Variants in DPP4 observed in about 807,000 individuals in gnomAD.
The protein encoded by DPP4 is dipeptidyl peptidase 4.
DPP4 carries 93 observed loss-of-function variants against 122.4 expected under a neutral mutation model. The ratio of observed to expected loss-of-function variants is 0.76; its 90% confidence interval spans 0.64 to 0.90. The LOEUF (loss-of-function observed/expected upper bound fraction) is 0.90, where lower values mean the gene tolerates loss of function less well. DPP4 is among the 40% of genes least tolerant of loss of function. The probability of loss-of-function intolerance (pLI) is 0.00; values close to 1 mark genes in which losing one functional copy is unlikely to be tolerated. For synonymous variants in DPP4, 321 were observed against 302.9 expected, an observed-to-expected ratio of 1.06 and a Z score of -0.62; for missense variants, 914 against 907.3, an observed-to-expected ratio of 1.01 and a Z score of -0.09.
At chr2:162,040,791 T>C (rs970226878) in intron 5 of DPP4, among the ~76,000 whole-genome samples, 5 of 152,018 alleles carry the variant, frequency 3.3e-5, no homozygotes, top group African/African-American at 1.2e-4. Context: ...TCATTTGTTA[T>C]AACAAATGGA....
intron 8 of DPP4, among the ~76,000 whole-genome samples, chr2:162,037,934 T>C (rs1683837363): frequency 6.6e-6 from 1 of 152,200 alleles, no homozygotes; most frequent in African/African-American, 2.4e-5. Flanking sequence ...TGTGATGGGA[T>C]TATTTAGCTT....
intron 2 of DPP4, among the ~76,000 whole-genome samples, chr2:162,063,605 G>A (rs928282891): frequency 2.2e-4 from 33 of 151,922 alleles, no homozygotes; most frequent in African/African-American, 7.0e-4. Context: ...ACAGGCACAC[G>A]AGACACAGAG....
At chr2:162,059,141 A>G (rs1041842598) in intron 2 of DPP4, among the ~76,000 whole-genome samples, 1 of 152,202 alleles carries the variant, frequency 6.6e-6, no homozygotes, top group African/African-American at 2.4e-5. Flanking sequence ...GCCGAGTTAC[A>G]CTGCCTGGTT....
rs1052969932 is a variant in DPP4, at chr2:162,016,848, T to A, written c.1487A>T (p.Asp496Val). 6.2e-7 allele frequency: 1 copy of A among 1,612,016 alleles called. No individual in the cohort carries two copies. The highest frequency in any genetic ancestry group is 1.7e-5 in the Admixed American group (1 of 59,436). Reference protein sequence around the residue: ...VNDKGLRVLEDNSALDKMLQN... With the variant: ...VNDKGLRVLEVNSALDKMLQN... The stretch of plus-strand genomic sequence containing the variant: ...CAGCATTTTATCCAAAGCTGAATTG[T>A]CTTCCAGGACTCTCAGCCCTAAAGA... Residue 496 changes from aspartate (D) to valine (V), a missense_variant, in exon 18 of 26, where the codon GAC becomes GTC. By Grantham distance (152) the Asp-to-Val change is radical. Coordinates refer to ENST00000360534, the MANE Select transcript of DPP4 (RefSeq NM_001935.4).
Position 162,074,040 on chromosome 2 carries a change from G to C in DPP4, c.-59C>G. On this transcript the variant is annotated 5_prime_UTR_variant, in exon 1 of 26. Coordinates refer to ENST00000360534, the MANE Select transcript of DPP4 (RefSeq NM_001935.4). ...AAGGAGCGCAGGCAGAAGTCACCGC[G>C]GGCGGCGGAGACGCGCGTCCTGCAC... is the stretch of plus-strand genomic sequence containing the variant. 1 of 1,592,082 alleles carries C rather than the reference G, an allele frequency of 6.3e-7. No individual in the cohort carries two copies. The highest frequency in any genetic ancestry group is 8.5e-7 in the Non-Finnish European group (1 of 1,170,226).
chr2:162,033,534 G>T lies in DPP4; in HGVS notation c.887+7C>A. ...TACAAGCCAAGCATTCAGGACAAGA[G>T]TCTTACCCTATCAACATAGAAGCAG... is the stretch of plus-strand genomic sequence containing the variant. On this transcript the variant is annotated splice_region_variant and intron_variant, in intron 10 of 25. Coordinates refer to ENST00000360534, the MANE Select transcript of DPP4 (RefSeq NM_001935.4). The T allele has an allele frequency of 6.2e-7, 1 of 1,604,932 alleles. No homozygotes were observed. The highest frequency in any genetic ancestry group is 8.5e-7 in the Non-Finnish European group (1 of 1,173,050).
intron 11 of DPP4, among the ~76,000 whole-genome samples, chr2:162,024,139 T>C (rs1208443515): frequency 1.3e-5 from 2 of 151,872 alleles, no homozygotes; most frequent in Non-Finnish European, 2.9e-5. Context: ...ATTGGGGAGG[T>C]ATCCTTGGCA....
chr2:162,015,399 T>C (rs1682872133), intron 18 of DPP4, among the ~76,000 whole-genome samples: 1 of 152,050 alleles, frequency 6.6e-6, no homozygotes, highest in Non-Finnish European at 1.5e-5. Context: ...TAAATGTGCT[T>C]GTAAGAGCAA....
chr2:162,055,759 C>A (rs781310542), intron 2 of DPP4, among the ~76,000 whole-genome samples: 2 of 152,128 alleles, frequency 1.3e-5, no homozygotes, highest in Non-Finnish European at 2.9e-5. Context: ...AATGTTGGGA[C>A]TGCCAGGTGA....
intron 19 of DPP4, among the ~76,000 whole-genome samples, 194 bp from the exon 20 acceptor site, chr2:162,012,181 A>G (rs563775729): frequency 1.3e-5 from 2 of 152,228 alleles, no homozygotes; most frequent in Admixed American, 1.3e-4. Context: ...ATTTCCTTCA[A>G]AGATACTTGT....
chr2:162,011,113 G>A (rs1682691905), intron 20 of DPP4, among the ~76,000 whole-genome samples: 1 of 152,078 alleles, frequency 6.6e-6, no homozygotes, highest in African/African-American at 2.4e-5. Flanking sequence ...GGGCTTCAGC[G>A]ACAATGCCTG....
intron 5 of DPP4, among the ~76,000 whole-genome samples, chr2:162,043,387 A>G (rs914342030): frequency 2.6e-5 from 4 of 152,182 alleles, no homozygotes; most frequent in Non-Finnish European, 4.4e-5. Context: ...TGTGGCATAA[A>G]CTAATTTAGA....
intron 2 of DPP4, among the ~76,000 whole-genome samples, chr2:162,058,561 T>C (rs1433094243): frequency 6.6e-6 from 1 of 152,228 alleles, no homozygotes; most frequent in Admixed American, 6.5e-5. Flanking sequence ...AAACTCTATA[T>C]TTAATCGTTT....
At chr2:162,070,144 CATATGCA>C (rs1286814642) in intron 2 of DPP4, among the ~76,000 whole-genome samples, 1 of 152,122 alleles carries the variant, frequency 6.6e-6, no homozygotes, top group Non-Finnish European at 1.5e-5. Context: ...TGAATGCTTA[CATATGCA>C]ATATCCTCCT....
chr2:162,032,021 A>G (rs1683566255), intron 10 of DPP4: 1 of 152,210 alleles, frequency 6.6e-6, no homozygotes, highest in African/African-American at 2.4e-5. Context: ...TAACCAAAAT[A>G]ATGAATTACT....
At chr2:161,997,083 G>A (rs1265049985) in intron 23 of DPP4, among the ~76,000 whole-genome samples, 4 of 152,138 alleles carry the variant, frequency 2.6e-5, no homozygotes, top group African/African-American at 7.2e-5. Context: ...TGTTTCAGTC[G>A]AATGAATGTC....
At chr2:162,059,842 T>C (rs1684701109) in intron 2 of DPP4, among the ~76,000 whole-genome samples, 1 of 152,218 alleles carries the variant, frequency 6.6e-6, no homozygotes, top group South Asian at 2.1e-4. Flanking sequence ...CTGGAGCTGT[T>C]AAAACAAACA....
chr2:162,073,555 G>A, intron 1 of DPP4, 69 bp from the exon 2 acceptor site: 1 of 1,507,138 alleles, frequency 6.6e-7, no homozygotes, highest in Non-Finnish European at 9.2e-7. Context: ...GGAGGGTCGG[G>A]GCTGCTCCAG....
chr2:162,033,116 T>G (rs1306260295), intron 10 of DPP4, among the ~76,000 whole-genome samples: 2 of 152,160 alleles, frequency 1.3e-5, no homozygotes, highest in East Asian at 3.9e-4. Flanking sequence ...TTGGTGTGGA[T>G]GGAGCCCTCC....
Sources: allele counts gnomAD v4.1 joint callset (sites outside exome capture counted in the v4.1 genomes callset), GRCh38; gene constraint gnomAD v4.1.1; transcripts MANE v1.5; gene names NCBI Gene and HGNC (gene_info 2026-07-23, HGNC 2026-07-21).